STXBP4: variants seen among roughly 807,000 people sequenced by gnomAD.
STXBP4 encodes the protein syntaxin-binding protein 4.
STXBP4 carries 55 observed loss-of-function variants against 76.1 expected under a neutral mutation model. The ratio of observed to expected loss-of-function variants is 0.72; its 90% CI spans 0.58 to 0.91. The LOEUF is 0.91. Ranked by LOEUF, STXBP4 falls within the 40% of genes least tolerant of loss-of-function variation. STXBP4 has a pLI of 0.00. For synonymous variants in STXBP4, 201 were observed against 220.2 expected (o/e 0.91, Z 0.77); for missense variants, 618 against 636.9 (o/e 0.97, Z 0.32).
At chr17:55,147,520 A>G (rs1434061467) in intron 17 of STXBP4, among the ~76,000 whole-genome samples, 2 of 152,222 alleles carry the variant, frequency 1.3e-5, no homozygotes, top group Admixed American at 6.5e-5. Flanking sequence ...TTTCAAATAC[A>G]TGTAATCACT....
rs187367087 is a variant in STXBP4 at position 55,048,838 on chromosome 17, T to C, written c.1011+1684T>C. Reference sequence around the variant, plus strand: ...TCTTAAAGAAATCAATCAAAATAACTGAACAGCCTAATACTTAGAACTATA... The same window carrying C: ...TCTTAAAGAAATCAATCAAAATAACCGAACAGCCTAATACTTAGAACTATA... On this transcript the variant is annotated intron_variant, in intron 12 of 17. Transcript: ENST00000376352. Among the ~76,000 whole-genome samples the C allele has an allele frequency of 1.6e-3, 243 of 151,962 alleles. 2 individuals are homozygous for C. The highest frequency in any genetic ancestry group is 1.6e-3 in the Non-Finnish European group (108 of 67,790).
chr17:54,992,483 TTAAA>T (rs2077733401), intron 4 of STXBP4, among the ~76,000 whole-genome samples: 4 of 151,820 alleles, frequency 2.6e-5, no homozygotes, highest in African/African-American at 7.2e-5. Context: ...ATTTAAATTA[TTAAA>T]TAAATATTTA....
chr17:55,037,524 G>C (rs561794587), intron 10 of STXBP4, among the ~76,000 whole-genome samples: 3 of 152,066 alleles, frequency 2.0e-5, no homozygotes, highest in Non-Finnish European at 4.4e-5. Flanking sequence ...GTGAGACTTT[G>C]ACAGCAAAAG....
chr17:55,021,189 G>T (rs1313604571), intron 8 of STXBP4, among the ~76,000 whole-genome samples: 1 of 152,074 alleles, frequency 6.6e-6, no homozygotes, highest in Non-Finnish European at 1.5e-5. Context: ...GGCCCTAGGT[G>T]CTTTCCTCTT....
chr17:55,191,405 G>A, the STXBP4 span, among the ~76,000 whole-genome samples: 28 of 152,276 alleles, frequency 1.8e-4, 2 homozygotes, highest in South Asian at 1.7e-3. Flanking sequence ...CCTGATGAAA[G>A]ATAATCATAG....
At chr17:55,131,915 A>C (rs181737834) in intron 16 of STXBP4, among the ~76,000 whole-genome samples, 1 of 152,256 alleles carries the variant, frequency 6.6e-6, no homozygotes, top group East Asian at 1.9e-4. Context: ...AGTGCATGCC[A>C]CTATGCCTGG....
intron 16 of STXBP4, among the ~76,000 whole-genome samples, chr17:55,129,625 C>T (rs2079953189): frequency 6.6e-6 from 1 of 151,854 alleles, no homozygotes; most frequent in South Asian, 2.1e-4. Flanking sequence ...AGGAAGGAAT[C>T]CTAAAATTAG....
At chr17:55,112,178 A>G (rs558419304) in intron 16 of STXBP4, among the ~76,000 whole-genome samples, 1 of 152,052 alleles carries the variant, frequency 6.6e-6, no homozygotes, top group East Asian at 1.9e-4. Context: ...CCTCTGTCTC[A>G]CAAAGTGCTG....
At chr17:54,986,650 CA>C (rs2077630864) in intron 3 of STXBP4, among the ~76,000 whole-genome samples, 1 of 152,102 alleles carries the variant, frequency 6.6e-6, no homozygotes, top group African/African-American at 2.4e-5. Context: ...AAAAAATAGA[CA>C]ATTGTCAAAT....
intron 16 of STXBP4, among the ~76,000 whole-genome samples, chr17:55,096,601 C>T (rs755766923): frequency 1.1e-4 from 16 of 148,736 alleles, no homozygotes; most frequent in Admixed American, 5.3e-4. Context: ...TTATTGGAAA[C>T]TTTCATATTG....
In STXBP4 at chr17:55,081,146, A is replaced by C; in HGVS notation, c.1452A>C (p.Glu484Asp). 1 of 1,547,568 alleles carries C rather than the reference A, an allele frequency of 6.5e-7. No homozygotes were observed. The highest frequency in any genetic ancestry group is 8.7e-7 in the Non-Finnish European group (1 of 1,152,142). The change falls in exon 16 of 18, where the codon GAA becomes GAC. Residue 484 changes from glutamate to aspartate, a missense_variant. By Grantham distance (45) the Glu-to-Asp change is conservative (BLOSUM62 2). Transcript: ENST00000376352. ...CAACGCTGGCGCTTGAATCTAAGGA[A>C]CTTGTTAAATCTGTTCGTGCCTTAC... Reference protein sequence around the residue: ...IPATLALESKELVKSVRALLD... With the variant: ...IPATLALESKDLVKSVRALLD...
At position 55,171,400 on chromosome 17, in the gene STXBP4, A is replaced by G. The variant is rs1270128642; in HGVS notation, c.*11489A>G. ...ATTCTTATTGAGGGGGAACTTACTA[A>G]CTCCTTTAATTCTTATTTTGCTTAA... On this transcript the variant is annotated 3_prime_UTR_variant, in exon 18 of 18. Transcript: ENST00000376352. The G allele has an allele frequency of 6.6e-6, 1 of 152,096 alleles. No individual in the cohort carries two copies. Among genetic ancestry groups the G allele is most frequent in the Non-Finnish European group, 1.5e-5 (1 of 68,012 alleles). 9.4% of individuals were successfully genotyped at this position (152,096 alleles called of 1,614,324 possible).
the STXBP4 span, among the ~76,000 whole-genome samples, chr17:55,208,078 T>C: frequency 6.6e-6 from 1 of 150,684 alleles, no homozygotes; most frequent in Non-Finnish European, 1.5e-5. Flanking sequence ...GATGCCTTAT[T>C]AACATAATGT....
At chr17:55,045,118 G>A (rs2078767569) in intron 11 of STXBP4, among the ~76,000 whole-genome samples, 1 of 152,022 alleles carries the variant, frequency 6.6e-6, no homozygotes, top group Admixed American at 6.6e-5. Context: ...AAAAGATATA[G>A]ACACTTAAAA....
chr17:55,143,630 T>C (rs892787896), intron 17 of STXBP4, among the ~76,000 whole-genome samples: 1 of 151,854 alleles, frequency 6.6e-6, no homozygotes, highest in African/African-American at 2.4e-5. Context: ...GAGAATAGAG[T>C]CCCAGAAGAG....
chr17:54,990,756 G>C lies in STXBP4; in HGVS notation c.48-69G>C, dbSNP rs186071332. On this transcript the variant is annotated intron_variant, in intron 3 of 17. Transcript: ENST00000376352. Reference sequence around the variant, plus strand: ...TAGATCTCAGATTTTGATTTAATAAGTAGTTTAAAGAAAAAAATAGGTGCA... The same window carrying C: ...TAGATCTCAGATTTTGATTTAATAACTAGTTTAAAGAAAAAAATAGGTGCA... 1,757 of 1,497,492 alleles carry C rather than the reference G, an allele frequency of 1.2e-3. 37 individuals carry two copies. In the Admixed American group the frequency reaches 0.027, roughly 23 times the overall value. 92.8% of individuals were successfully genotyped at this position (1,497,492 alleles called of 1,614,324 possible).
intron 16 of STXBP4, among the ~76,000 whole-genome samples, chr17:55,113,588 A>G (rs2079748011): frequency 6.6e-6 from 1 of 152,092 alleles, no homozygotes; most frequent in African/African-American, 2.4e-5. Flanking sequence ...TAAGAGGGAA[A>G]ATGTTAGTTA....
chr17:55,124,273 T>C (rs2079880400), intron 16 of STXBP4, among the ~76,000 whole-genome samples: 1 of 152,208 alleles, frequency 6.6e-6, no homozygotes, highest in East Asian at 1.9e-4. Flanking sequence ...AGGTTCATGA[T>C]GGATCAGAAA....
intron 12 of STXBP4, among the ~76,000 whole-genome samples, chr17:55,065,621 C>CT (rs796403588): frequency 0.015 from 2,200 of 146,404 alleles, 42 homozygotes; most frequent in African/African-American, 0.041. Context: ...AGGAAAGTAG[C>CT]TTTTTTTTTT....
Sources: allele counts gnomAD v4.1 joint callset (sites outside exome capture counted in the v4.1 genomes callset), GRCh38; gene constraint gnomAD v4.1.1; transcripts MANE v1.5; gene names NCBI Gene and HGNC (gene_info 2026-07-23, HGNC 2026-07-21).